GRIP2: variants seen among roughly 807,000 people sequenced by gnomAD.
GRIP2 encodes the protein glutamate receptor interacting protein 2, also known as glutamate receptor-interacting protein 2.
GRIP2 carries 58 observed loss-of-function variants against 108.3 expected under a neutral mutation model. The observed-to-expected ratio is 0.54, with a 90% CI of 0.43 to 0.67. The LOEUF (loss-of-function observed/expected upper bound fraction) is 0.67, where lower values mean the gene tolerates loss of function less well. GRIP2 is among the 30% of genes least tolerant of loss of function. The pLI is 0.00. For synonymous variants in GRIP2, 586 were observed against 598.2 expected, an observed-to-expected ratio of 0.98 and a Z score of 0.30; for missense variants, 1,278 against 1,430.6, an observed-to-expected ratio of 0.89 and a Z score of 1.72.
At chr3:14,593,385 C>T in the GRIP2 span, among the ~76,000 whole-genome samples, 20 of 152,228 alleles carry the variant, frequency 1.3e-4, no homozygotes, top group Non-Finnish European at 2.6e-4. Flanking sequence ...CATGACTGAT[C>T]CTCATGGCTC....
the GRIP2 span, among the ~76,000 whole-genome samples, chr3:14,561,966 C>T: frequency 1.3e-5 from 2 of 152,162 alleles, no homozygotes; most frequent in Admixed American, 6.5e-5. Context: ...GTGTGCCAAG[C>T]GTGGAGGTAC....
upstream of GRIP2, among the ~76,000 whole-genome samples, chr3:14,557,202 T>C (rs1204379272): frequency 6.6e-6 from 1 of 152,204 alleles, no homozygotes; most frequent in African/African-American, 2.4e-5. Context: ...GCAGGATTCC[T>C]AGGACGGATG....
At chr3:14,543,252 C>A (rs1348324447), upstream of GRIP2, among the ~76,000 whole-genome samples, 1 of 152,238 alleles carries the variant, frequency 6.6e-6, no homozygotes, top group Admixed American at 6.5e-5. Flanking sequence ...GCTTGTCAGA[C>A]ACGCAGATGC....
chr3:14,575,549 T>C, the GRIP2 span, among the ~76,000 whole-genome samples: 3 of 152,208 alleles, frequency 2.0e-5, no homozygotes, highest in African/African-American at 7.2e-5. Context: ...GCCAGTCTTC[T>C]ACAGAACTGT....
In GRIP2 at chr3:14,522,144, C is replaced by G. The variant is rs747961892; in HGVS notation, c.567-357G>C. The G allele has an allele frequency of 4.2e-5, 10 of 235,740 alleles. No homozygotes were observed. Among genetic ancestry groups the G allele is most frequent in the Non-Finnish European group, 7.3e-5 (9 of 123,242 alleles). The allele number at this position is 235,740 out of a possible 1,614,324, so 14.6% of individuals were successfully genotyped here. On this transcript the variant is annotated intron_variant, in intron 6 of 23. Coordinates refer to ENST00000621039, the MANE Select transcript of GRIP2 (RefSeq NM_001080423.4). The surrounding 1 kb of genome is among the most constrained non-coding windows in gnomAD (Gnocchi z 4.3). ...CCTGCCTCAGGGACAAAGGACAGCA[C>G]CAGGGCCCAGAGAGGGTGCAAGCTG...
At chr3:14,495,428 A>G (rs752154708) in intron 22 of GRIP2, among the ~76,000 whole-genome samples, 6 of 151,958 alleles carry the variant, frequency 3.9e-5, no homozygotes. Flanking sequence ...TGTTTTTGAG[A>G]TGGAGTCTTG....
chr3:14,552,386 C>T (rs1575036459), intron 1 of GRIP2, among the ~76,000 whole-genome samples: 1 of 152,324 alleles, frequency 6.6e-6, no homozygotes, highest in East Asian at 1.9e-4. Flanking sequence ...TTGTGTCTGT[C>T]TTGTGCCCTG....
upstream of GRIP2, among the ~76,000 whole-genome samples, chr3:14,542,357 G>GT (rs1694990673): frequency 6.6e-6 from 1 of 151,992 alleles, no homozygotes; most frequent in African/African-American, 2.4e-5. Flanking sequence ...TTTTCACCAT[G>GT]TTGCCCAGGC....
the GRIP2 span, among the ~76,000 whole-genome samples, chr3:14,586,162 C>T: frequency 1.1e-4 from 17 of 152,308 alleles, no homozygotes; most frequent in Non-Finnish European, 1.8e-4. Context: ...CTTGGTTGGG[C>T]CCCACACAAA....
chr3:14,582,644 TGC>T, the GRIP2 span, among the ~76,000 whole-genome samples: 1 of 152,244 alleles, frequency 6.6e-6, no homozygotes, highest in Non-Finnish European at 1.5e-5. Context: ...CAAGCTTGTT[TGC>T]GCCTCAGGAC....
chr3:14,508,001 A>T (rs1444897077), intron 17 of GRIP2, among the ~76,000 whole-genome samples: 2 of 152,240 alleles, frequency 1.3e-5, no homozygotes, highest in Non-Finnish European at 2.9e-5. Flanking sequence ...TTGCTATGTG[A>T]TCTTGGGCCA....
chr3:14,598,446 C>G, the GRIP2 span, among the ~76,000 whole-genome samples: 1 of 151,958 alleles, frequency 6.6e-6, no homozygotes, highest in East Asian at 1.9e-4. Flanking sequence ...CTGGACAGAT[C>G]CCCACCCCAA....
intron 1 of GRIP2, among the ~76,000 whole-genome samples, chr3:14,551,060 G>A (rs1695139280): frequency 6.6e-6 from 1 of 152,174 alleles, no homozygotes; most frequent in Non-Finnish European, 1.5e-5. Context: ...AGGCCCGGGA[G>A]AGCAGGGCTG....
At chr3:14,546,662 G>A (rs903710410), upstream of GRIP2, among the ~76,000 whole-genome samples, 9 of 152,178 alleles carry the variant, frequency 5.9e-5, no homozygotes, top group South Asian at 2.1e-4. Flanking sequence ...ATAAACAGGC[G>A]AGGCACAGGG....
the GRIP2 span, among the ~76,000 whole-genome samples, chr3:14,569,545 G>A: frequency 1.3e-5 from 2 of 152,200 alleles, no homozygotes; most frequent in Non-Finnish European, 2.9e-5. Context: ...GCCGGATCGT[G>A]GGAGATCCAG....
chr3:14,545,471 G>A (rs1220801510), upstream of GRIP2, among the ~76,000 whole-genome samples: 2 of 152,212 alleles, frequency 1.3e-5, no homozygotes, highest in African/African-American at 4.8e-5. Context: ...ATGTTGAGAG[G>A]GGCTGGGAAC....
chr3:14,503,750 C>G, intron 20 of GRIP2, 79 bp from the exon 21 acceptor site: 1 of 440,816 alleles, frequency 2.3e-6, no homozygotes, highest in Non-Finnish European at 3.5e-6. Flanking sequence ...TTCGGGGCCC[C>G]AGGGCCCAGC....
the GRIP2 span, among the ~76,000 whole-genome samples, chr3:14,571,251 C>T: frequency 6.6e-6 from 1 of 152,132 alleles, no homozygotes; most frequent in Non-Finnish European, 1.5e-5. Context: ...TTACTCCAGG[C>T]CCACCTTCCT....
At chr3:14,496,686 C>T (rs1218319482) in intron 21 of GRIP2, 126 bp from the exon 22 acceptor site, 1 of 1,328,204 alleles carries the variant, frequency 7.5e-7, no homozygotes, top group African/African-American at 1.5e-5. Flanking sequence ...GACATGGTCC[C>T]TGCCCATTGG....
Sources: gnomAD v4.1 joint callset for allele counts (sites outside exome capture counted in the v4.1 genomes callset) on GRCh38, gnomAD v4.1.1 for gene constraint, Gnocchi (gnomAD v3.1) non-coding constraint, MANE v1.5 for transcripts, NCBI Gene and HGNC (gene_info 2026-07-23, HGNC 2026-07-21) for gene names.